The following TBC1D8B variants were observed in gnomAD, a reference collection of about 807,000 sequenced individuals.
The protein encoded by TBC1D8B is RP11-321G1.1.
TBC1D8B carries 75 observed loss-of-function variants against 82.9 expected under a neutral mutation model. The observed-to-expected ratio is 0.90, with a 90% CI of 0.75 to 1.10. The LOEUF (loss-of-function observed/expected upper bound fraction) is 1.10, where lower values mean the gene tolerates loss of function less well. Among genes scored for constraint, TBC1D8B ranks in the 50% least tolerant of loss-of-function variants. The pLI, the probability that TBC1D8B is intolerant of heterozygous loss-of-function variation, is 0.00. For synonymous variants in TBC1D8B, 276 were observed against 276.8 expected (o/e 1.00, Z 0.03); for missense variants, 794 against 796.9 (o/e 1.00, Z 0.04).
chrX:106,861,865 A>G (rs1449007187), intron 14 of TBC1D8B, among the ~76,000 whole-genome samples: 1 of 111,979 alleles, frequency 8.9e-6, no homozygotes, highest in Non-Finnish European at 1.9e-5. Context: ...GTGTTTTTGT[A>G]GTGGCTGATA....
intron 1 of TBC1D8B, among the ~76,000 whole-genome samples, chrX:106,813,371 A>G (rs1268660863): frequency 1.8e-5 from 2 of 111,937 alleles, no homozygotes; most frequent in East Asian, 2.8e-4. Flanking sequence ...GTAGTCTAGC[A>G]CTAGTTTCCA....
At chrX:106,858,828 T>C (rs1200238619) in intron 14 of TBC1D8B, among the ~76,000 whole-genome samples, 2 of 112,097 alleles carry the variant, frequency 1.8e-5, no homozygotes, top group African/African-American at 6.5e-5. Context: ...CTTCAAGGCT[T>C]TTTATAGTTG....
chrX:106,826,942 A>G, intron 6 of TBC1D8B, among the ~76,000 whole-genome samples: 1 of 111,169 alleles, frequency 9.0e-6, no homozygotes, highest in Non-Finnish European at 1.9e-5. Flanking sequence ...TTACATTTGT[A>G]CTGTCATTTT....
intron 10 of TBC1D8B, among the ~76,000 whole-genome samples, chrX:106,844,853 T>A (rs1361459737): frequency 9.0e-6 from 1 of 111,076 alleles, no homozygotes; most frequent in Admixed American, 9.7e-5. Context: ...TGAAGCCATC[T>A]GCTCTTAGAG....
Position 106,840,607 on chromosome X carries a change from A to G in TBC1D8B, c.1505-63A>G. On this transcript the variant is annotated intron_variant, in intron 9 of 20. Transcript: ENST00000357242. ...GGTAATGAAATCCAATTATTTATGT[A>G]TATATGGAAATAGCTTCATTATATC... 9.2e-6 allele frequency: 9 copies of G among 974,645 alleles called. No individual in the cohort carries two copies. The South Asian group carries it at 1.1e-4, about 11-fold the overall frequency. The allele number at this position is 974,645 out of a possible 1,213,427, so 80.3% of individuals were successfully genotyped here. A position where few individuals can be genotyped will look rare whatever the true frequency, so the allele number is the denominator to read the frequency against.
At chrX:106,812,474 T>A (rs1931408846) in intron 1 of TBC1D8B, among the ~76,000 whole-genome samples, 2 of 112,108 alleles carry the variant, frequency 1.8e-5, no homozygotes, top group Non-Finnish European at 3.8e-5. Flanking sequence ...TAAATCTTGT[T>A]TGTAATTAGG....
chrX:106,847,441 A>G (rs1447509527), intron 10 of TBC1D8B, among the ~76,000 whole-genome samples: 1 of 111,802 alleles, frequency 8.9e-6, no homozygotes, highest in Non-Finnish European at 1.9e-5. Context: ...CATAGGATAC[A>G]AGAGGTTTTA....
intron 20 of TBC1D8B, among the ~76,000 whole-genome samples, chrX:106,873,035 G>A (rs1218116417): frequency 8.9e-6 from 1 of 111,943 alleles, no homozygotes; most frequent in Non-Finnish European, 1.9e-5. Flanking sequence ...GAATTAGTCT[G>A]GATAAAATGT....
At position 106,826,025 on chromosome X, in the gene TBC1D8B, T is replaced by C. The variant is rs754136804; in HGVS notation, c.828-5T>C. The C allele has an allele frequency of 1.7e-6, 2 of 1,208,384 alleles. No individual in the cohort carries two copies. Among genetic ancestry groups the C allele is most frequent in the East Asian group, 3.0e-5 (1 of 33,761 alleles). On this transcript the variant is annotated splice_region_variant and splice_polypyrimidine_tract_variant and intron_variant, in intron 5 of 20. Coordinates refer to ENST00000357242, the MANE Select transcript of TBC1D8B (RefSeq NM_017752.3). Reference sequence around the variant, plus strand: ...GTGCCTTATCCCATTTTTTCTTTCCTACAGAGGTCTGGAAAATAGAGCCCA... The same window carrying C: ...GTGCCTTATCCCATTTTTTCTTTCCCACAGAGGTCTGGAAAATAGAGCCCA...
intron 14 of TBC1D8B, among the ~76,000 whole-genome samples, chrX:106,861,102 T>G (rs1932769752): frequency 8.9e-6 from 1 of 112,035 alleles, no homozygotes; most frequent in African/African-American, 3.2e-5. Context: ...GTTGTTATGA[T>G]TTTGGGTTTT....
In TBC1D8B at chrX:106,832,570, T is replaced by G. The variant is rs763935053; in HGVS notation, c.1203+5233T>G. On this transcript the variant is annotated intron_variant, in intron 7 of 20. Coordinates refer to ENST00000357242, the MANE Select transcript of TBC1D8B (RefSeq NM_017752.3). ...CTTGCCTGATGCTTTTAAACTACAT[T>G]ATGAATGAATTGTAGAAACTATGGA... Among the ~76,000 whole-genome samples the G allele has an allele frequency of 4.5e-5, 5 of 111,284 alleles. No homozygotes were observed. The South Asian group carries it at 1.9e-3, about 42-fold the overall frequency.
intron 1 of TBC1D8B, chrX:106,813,835 CCTCTT>C (rs931449578): frequency 2.7e-5 from 3 of 109,665 alleles, no homozygotes; most frequent in Admixed American, 9.8e-5. Context: ...AAAACATTCT[CCTCTT>C]CTCTATTTCC....
intron 14 of TBC1D8B, among the ~76,000 whole-genome samples, chrX:106,861,099 T>C (rs1020686726): frequency 2.3e-4 from 26 of 112,254 alleles, no homozygotes; most frequent in Non-Finnish European, 3.9e-4. Context: ...ATAGTTGTTA[T>C]GATTTTGGGT....
intron 7 of TBC1D8B, among the ~76,000 whole-genome samples, chrX:106,830,959 TAAATA>T (rs1932031012): frequency 9.3e-6 from 1 of 107,158 alleles, no homozygotes; most frequent in Non-Finnish European, 1.9e-5. Flanking sequence ...AATAAATAAA[TAAATA>T]AATAAATAAA....
At chrX:106,830,405 G>A (rs1416456688) in intron 7 of TBC1D8B, among the ~76,000 whole-genome samples, 3 of 111,340 alleles carry the variant, frequency 2.7e-5, no homozygotes, top group Non-Finnish European at 5.7e-5. Flanking sequence ...CAGGGATCTA[G>A]AACTAGTCAT....
At chrX:106,811,344 G>A (rs1294768134) in intron 1 of TBC1D8B, among the ~76,000 whole-genome samples, 2 of 111,366 alleles carry the variant, frequency 1.8e-5, no homozygotes, top group Non-Finnish European at 3.8e-5. Context: ...CGGCCACACA[G>A]TAAGACCTTG....
chrX:106,841,578 C>T (rs1427190502), intron 10 of TBC1D8B, among the ~76,000 whole-genome samples: 1 of 111,488 alleles, frequency 9.0e-6, no homozygotes, highest in Middle Eastern at 4.7e-3. Context: ...GTGGAGGAAT[C>T]ATTGGAAAAA....
rs751751586 is a variant in TBC1D8B, at chrX:106,850,084, A to T, written c.1897A>T (p.Thr633Ser). The change falls in exon 12 of 21, where the codon ACA becomes TCA. Residue 633 changes from threonine to serine, a missense_variant. Coordinates refer to ENST00000357242, the MANE Select transcript of TBC1D8B (RefSeq NM_017752.3). ...TATCAGGGATCACCTTCCTCAGCTG[A>T]CAGAACACATGACTGATATGACATT... Reference protein sequence around the residue: ...ELIRDHLPQLTEHMTDMTFFS... With the variant: ...ELIRDHLPQLSEHMTDMTFFS... 8.3e-7 allele frequency: 1 copy of T among 1,210,659 alleles called. No individual in the cohort carries two copies. Among genetic ancestry groups the T allele is most frequent in the Non-Finnish European group, 1.1e-6 (1 of 894,987 alleles).
At chrX:106,835,297 A>G (rs1200685616) in intron 7 of TBC1D8B, among the ~76,000 whole-genome samples, 1 of 112,638 alleles carries the variant, frequency 8.9e-6, no homozygotes, top group Non-Finnish European at 1.9e-5. Flanking sequence ...AATGGCCCGA[A>G]CTGAACCTTG....
Sources: gnomAD v4.1 joint callset for allele counts (sites outside exome capture counted in the v4.1 genomes callset) on GRCh38, gnomAD v4.1.1 for gene constraint, MANE v1.5 for transcripts, NCBI Gene and HGNC (gene_info 2026-07-23, HGNC 2026-07-21) for gene names.